The following GRID1 variants were observed in gnomAD, a reference collection of about 807,000 sequenced individuals.
The protein encoded by GRID1 is glutamate receptor ionotropic, delta-1.
GRID1 carries 28 observed loss-of-function variants against 98.0 expected under a neutral mutation model. The observed-to-expected ratio is 0.29, with a 90% confidence interval of 0.21 to 0.39. The LOEUF is 0.39. Ranked by LOEUF, GRID1 falls within the 10% of genes least tolerant of loss-of-function variation. The pLI, the probability that GRID1 is intolerant of heterozygous loss-of-function variation, is 1.00. For synonymous variants in GRID1, 553 were observed against 538.5 expected, an observed-to-expected ratio of 1.03 and a Z score of -0.37; for missense variants, 1,111 against 1,340.5, an observed-to-expected ratio of 0.83 and a Z score of 2.67.
chr10:86,161,145 G>A (rs1027657138), intron 3 of GRID1, among the ~76,000 whole-genome samples: 4 of 152,128 alleles, frequency 2.6e-5, no homozygotes, highest in Non-Finnish European at 2.9e-5. Flanking sequence ...CACCCTGGCC[G>A]TCCAACCCCG....
intron 4 of GRID1, among the ~76,000 whole-genome samples, chr10:86,121,496 TCACCATCAC>T (rs1179885985): frequency 3.5e-5 from 1 of 28,866 alleles, no homozygotes; most frequent in Non-Finnish European, 7.4e-5. Flanking sequence ...ATCACCATCA[TCACCATCAC>T]CATCATCATC....
At chr10:85,920,585 C>T (rs1370843535) in intron 4 of GRID1, among the ~76,000 whole-genome samples, 1 of 152,226 alleles carries the variant, frequency 6.6e-6, no homozygotes, top group East Asian at 1.9e-4. Context: ...ATCAATACAG[C>T]TTTGCAAAGT....
chr10:86,116,261 A>G (rs1844577573), intron 4 of GRID1, among the ~76,000 whole-genome samples: 1 of 152,216 alleles, frequency 6.6e-6, no homozygotes, highest in Non-Finnish European at 1.5e-5. Context: ...ACAAAATTTT[A>G]TTTCACACAA....
intron 3 of GRID1, among the ~76,000 whole-genome samples, chr10:86,193,154 C>A (rs750246533): frequency 6.6e-6 from 1 of 152,084 alleles, no homozygotes; most frequent in South Asian, 2.1e-4. Context: ...AACGCACTCA[C>A]CTGTAGCTCA....
chr10:86,292,901 TGTGA>T (rs1208891956), intron 2 of GRID1, among the ~76,000 whole-genome samples: 1 of 151,928 alleles, frequency 6.6e-6, no homozygotes, highest in Non-Finnish European at 1.5e-5. Context: ...TGAGTGTGGG[TGTGA>T]GTGAGGGTGT....
intron 2 of GRID1, among the ~76,000 whole-genome samples, chr10:86,243,363 C>A (rs114234650): frequency 9.2e-4 from 140 of 152,274 alleles, no homozygotes; most frequent in Middle Eastern, 3.4e-3. Context: ...TGGGCCCTAA[C>A]CAGGCCTGGA....
intron 13 of GRID1, among the ~76,000 whole-genome samples, chr10:85,622,800 A>C (rs1379143733): frequency 1.3e-5 from 2 of 152,176 alleles, no homozygotes; most frequent in Non-Finnish European, 2.9e-5. Flanking sequence ...AACAGTGTGG[A>C]GATGAGAAAG....
At chr10:85,781,354 T>G (rs1472917228) in intron 8 of GRID1, among the ~76,000 whole-genome samples, 1 of 152,250 alleles carries the variant, frequency 6.6e-6, no homozygotes, top group East Asian at 1.9e-4. Context: ...CTCTGCGTGC[T>G]CCCACTATGC....
At chr10:85,784,450 G>A (rs1158923365) in intron 8 of GRID1, among the ~76,000 whole-genome samples, 3 of 152,146 alleles carry the variant, frequency 2.0e-5, no homozygotes, top group African/African-American at 2.4e-5. Context: ...GAGTCTGTCC[G>A]GGGCACTCTG....
chr10:86,188,631 C>T (rs987448329), intron 3 of GRID1, among the ~76,000 whole-genome samples: 5 of 152,188 alleles, frequency 3.3e-5, no homozygotes, highest in Non-Finnish European at 7.4e-5. Context: ...CTCTCGGGGC[C>T]CGAGCAGGTT....
At chr10:85,875,871 T>G (rs1843324334) in intron 5 of GRID1, among the ~76,000 whole-genome samples, 1 of 152,234 alleles carries the variant, frequency 6.6e-6, no homozygotes, top group East Asian at 1.9e-4. Context: ...TTCATTAGTT[T>G]ATTGGTAAGG....
At chr10:86,162,353 C>T (rs12263380) in intron 3 of GRID1, among the ~76,000 whole-genome samples, 26,133 of 151,968 alleles carry the variant, frequency 0.17, 3,395 homozygotes, top group African/African-American at 0.36. Context: ...GGGACCCTCA[C>T]CCCATGCAGG....
Position 85,602,508 on chromosome 10 carries a change from G to C in GRID1, c.2795C>G (p.Pro932Arg). ...NTQLSVSTFL[P>R]EQSSHGTSRT... ...GCTGGTGCCATGGCTGCTCTGCTCTGGCAGAAAGGTGCTGACCGAGAGCTG... is the reference window on the plus strand; with the variant it reads ...GCTGGTGCCATGGCTGCTCTGCTCTCGCAGAAAGGTGCTGACCGAGAGCTG... The change falls in exon 16 of 16, where the codon CCA becomes CGA. Residue 932 changes from proline to arginine, a missense_variant. Around this residue, in one of 3 missense-constraint regions of GRID1, gnomAD observed 762 missense variants for 869.1 expected, o/e 0.88. Coordinates refer to ENST00000327946, the MANE Select transcript of GRID1 (RefSeq NM_017551.3). 6.2e-7 allele frequency: 1 copy of C among 1,614,176 alleles called. No homozygotes were observed. Among genetic ancestry groups the C allele is most frequent in the Non-Finnish European group, 8.5e-7 (1 of 1,180,022 alleles).
At chr10:86,063,425 C>A (rs1352167753) in intron 4 of GRID1, among the ~76,000 whole-genome samples, 1 of 152,184 alleles carries the variant, frequency 6.6e-6, no homozygotes, top group Non-Finnish European at 1.5e-5. Flanking sequence ...GAGCAGCCTG[C>A]ACTTCTCCAA....
rs556588089 is a variant in GRID1, at chr10:85,625,591, T to C, written c.2194-5558A>G. ...CCTGGGATGCCAGGACAACAGCAGC[T>C]AGAGAGACCACCCAGCCTTGTCCCC... is the stretch of plus-strand genomic sequence containing the variant. On this transcript the variant is annotated intron_variant, in intron 13 of 15. Coordinates refer to ENST00000327946, the MANE Select transcript of GRID1 (RefSeq NM_017551.3). Among the ~76,000 whole-genome samples, 80 of 152,258 alleles carry C rather than the reference T, an allele frequency of 5.3e-4. 1 individual carries two copies. Among genetic ancestry groups the C allele is most frequent in the African/African-American group, 1.9e-3 (79 of 41,552 alleles).
chr10:85,621,837 C>T (rs1842862547), intron 13 of GRID1, among the ~76,000 whole-genome samples: 2 of 152,146 alleles, frequency 1.3e-5, no homozygotes, highest in South Asian at 4.1e-4. Flanking sequence ...ACATTTTCAA[C>T]CTCTTAGTAA....
At chr10:85,959,729 T>C (rs947581241) in intron 4 of GRID1, among the ~76,000 whole-genome samples, 2 of 152,252 alleles carry the variant, frequency 1.3e-5, no homozygotes, top group Non-Finnish European at 2.9e-5. Context: ...TTAATTACTG[T>C]CTAATTTCTA....
chr10:85,944,905 C>T (rs897571921), intron 4 of GRID1, among the ~76,000 whole-genome samples: 13 of 151,852 alleles, frequency 8.6e-5, no homozygotes, highest in African/African-American at 2.2e-4. Context: ...TAGTTATATG[C>T]GTTTTTGCAG....
intron 4 of GRID1, among the ~76,000 whole-genome samples, chr10:86,028,121 G>A (rs1178447545): frequency 2.0e-5 from 3 of 152,208 alleles, no homozygotes; most frequent in Non-Finnish European, 4.4e-5. Flanking sequence ...CCCACCAGGT[G>A]TGTGTGGCTC....
Sources: allele counts gnomAD v4.1 joint callset (sites outside exome capture counted in the v4.1 genomes callset), GRCh38; gene constraint gnomAD v4.1.1; regional missense constraint gnomAD v4.1.1; transcripts MANE v1.5; gene names NCBI Gene and HGNC (gene_info 2026-07-23, HGNC 2026-07-21).